Variants in ZNF215 observed in about 807,000 individuals in gnomAD.
ZNF215 encodes the protein zinc finger protein 215.
In ZNF215, 24 loss-of-function variants were observed where a neutral mutation model predicts 27.2. That is an observed-to-expected ratio of 0.88 (90% CI 0.64 to 1.24). The LOEUF is 1.24. Among genes scored for constraint, ZNF215 ranks in the 50% most tolerant of loss-of-function variants. ZNF215 has a pLI of 0.00. For synonymous variants in ZNF215, 210 were observed against 204.0 expected (o/e 1.03, Z -0.25); for missense variants, 675 against 605.7 (o/e 1.11, Z -1.20).
rs1409546162 is a variant in ZNF215 at position 6,957,596 on chromosome 11, T to G, written c.*1065T>G. The stretch of plus-strand genomic sequence containing the variant: ...GAAGCGTTTGGGGTCTTTAGAAGTT[T>G]GATGATGTTGTGACCAGACATTTGC... On this transcript the variant is annotated 3_prime_UTR_variant, in exon 7 of 7. Transcript: ENST00000278319. The G allele has an allele frequency of 4.1e-6, 1 of 246,564 alleles. No homozygotes were observed. Among genetic ancestry groups the G allele is most frequent in the African/African-American group, 2.3e-5 (1 of 43,144 alleles). The allele number at this position is 246,564 out of a possible 1,614,324, so 15.3% of individuals were successfully genotyped here.
chr11:6,958,028 T>C lies in ZNF215; in HGVS notation c.*1497T>C. ...GGTATACTGGAGTGAACTCCTATGATTAAATAATGTCAAAATCTATGTTTG... is the reference window on the plus strand; with the variant it reads ...GGTATACTGGAGTGAACTCCTATGACTAAATAATGTCAAAATCTATGTTTG... On this transcript the variant is annotated 3_prime_UTR_variant, in exon 7 of 7. Coordinates refer to ENST00000278319, the MANE Select transcript of ZNF215 (RefSeq NM_013250.4). 1.0e-6 allele frequency: 1 copy of C among 985,430 alleles called. No homozygotes were observed. Among genetic ancestry groups the C allele is most frequent in the Non-Finnish European group, 1.2e-6 (1 of 829,926 alleles). The allele number at this position is 985,430 out of a possible 1,614,324, so 61.0% of individuals were successfully genotyped here.
chr11:6,975,784 T>G (rs1328184784), intron 5 of ZNF215, among the ~76,000 whole-genome samples: 1 of 152,158 alleles, frequency 6.6e-6, no homozygotes, highest in Admixed American at 6.6e-5. Context: ...AAATCTTAGC[T>G]GTTGTGAACA....
intron 3 of ZNF215, among the ~76,000 whole-genome samples, chr11:6,940,703 G>T (rs1849606313): frequency 6.6e-6 from 1 of 152,100 alleles, no homozygotes; most frequent in Admixed American, 6.5e-5. Flanking sequence ...TGATGTAACT[G>T]CATGGTTTTA....
chr11:6,940,274 A>T (rs1330208736), intron 3 of ZNF215, among the ~76,000 whole-genome samples: 4 of 151,536 alleles, frequency 2.6e-5, no homozygotes, highest in African/African-American at 9.7e-5. Flanking sequence ...TATTTGCAGC[A>T]TTCACACGGT....
intron 6 of ZNF215, among the ~76,000 whole-genome samples, chr11:6,951,187 A>C (rs1437988036): frequency 6.6e-6 from 1 of 152,094 alleles, no homozygotes; most frequent in Non-Finnish European, 1.5e-5. Context: ...TATTGGTCTA[A>C]AATTCTCTTT....
chr11:6,962,849 T>C (rs991246328), downstream of ZNF215, among the ~76,000 whole-genome samples: 4 of 152,110 alleles, frequency 2.6e-5, no homozygotes, highest in Non-Finnish European at 5.9e-5. Flanking sequence ...GGGCCTAATC[T>C]TACCAATGAC....
intron 4 of ZNF215, among the ~76,000 whole-genome samples, chr11:6,942,427 C>T (rs780322569): frequency 2.6e-4 from 39 of 152,096 alleles, no homozygotes; most frequent in Admixed American, 2.3e-3. Context: ...GATTGATAAA[C>T]GAAATCCCAG....
chr11:6,978,283 CTGAT>C (rs752876168), intron 5 of ZNF215, among the ~76,000 whole-genome samples: 9 of 152,016 alleles, frequency 5.9e-5, no homozygotes, highest in Non-Finnish European at 1.2e-4. Context: ...GAAAAATACA[CTGAT>C]TGAATGAAGC....
chr11:6,967,738 G>C (rs1251206410), intron 5 of ZNF215, among the ~76,000 whole-genome samples: 1 of 152,134 alleles, frequency 6.6e-6, no homozygotes, highest in Non-Finnish European at 1.5e-5. Context: ...TCTGTAGGTT[G>C]CCTGTTCACT....
intron 3 of ZNF215, among the ~76,000 whole-genome samples, chr11:6,935,515 T>C (rs1279858214): frequency 6.6e-6 from 1 of 152,196 alleles, no homozygotes; most frequent in African/African-American, 2.4e-5. Context: ...TTTACAAAAT[T>C]AGTTCAAAAG....
At position 6,932,366 on chromosome 11, in the gene ZNF215, C is replaced by A. The variant is rs200790090; in HGVS notation, c.94C>A (p.Gln32Lys). 211 of 1,614,146 alleles carry A rather than the reference C, an allele frequency of 1.3e-4. No individual in the cohort carries two copies. The highest frequency in any genetic ancestry group is 5.9e-6 in the Non-Finnish European group (7 of 1,180,034). Residue 32 changes from glutamine to lysine, a missense_variant, in exon 3 of 7, where the codon CAG becomes AAG. Coordinates refer to ENST00000278319, the MANE Select transcript of ZNF215 (RefSeq NM_013250.4). ...GGTTCTGAGAGCAGATATGTCTTGG[C>A]AGCAGGAAACCAACCCCGTCGTGGA... ...REVLRADMSW[Q>K]QETNPVVETH...
At chr11:6,988,822 C>G (rs1301728186), downstream of ZNF215, 1 of 152,010 alleles carries the variant, frequency 6.6e-6, no homozygotes, top group Non-Finnish European at 1.5e-5. Flanking sequence ...AAATATAATA[C>G]CTTGATAATT....
intron 5 of ZNF215, among the ~76,000 whole-genome samples, chr11:6,980,764 C>T (rs1369379826): frequency 1.7e-5 from 2 of 115,702 alleles, no homozygotes; most frequent in Admixed American, 1.0e-4. Flanking sequence ...CCCCCCTCCC[C>T]CCACCCCACA....
In ZNF215 at chr11:6,956,135, A is replaced by G. The variant is rs771080130; in HGVS notation, c.1158A>G (p.Lys386=). ...CCTATGAATGTTATCAATGTGGGAA[A>G]GCCTTCTGCCGAAGTTCATCCCTTA... The part of the protein sequence containing the change: ...MNSYECYQCG[K]AFCRSSSLIR... The change falls in exon 7 of 7, where the codon AAA becomes AAG. Residue 386 remains lysine (K), a synonymous_variant. Transcript: ENST00000278319. 6.2e-7 allele frequency: 1 copy of G among 1,613,842 alleles called. No individual in the cohort carries two copies. Among genetic ancestry groups the G allele is most frequent in the Admixed American group, 1.7e-5 (1 of 59,992 alleles).
rs1018718317 is a variant in ZNF215 at position 6,956,837 on chromosome 11, G to T, written c.*306G>T. On this transcript the variant is annotated 3_prime_UTR_variant, in exon 7 of 7. Coordinates refer to ENST00000278319, the MANE Select transcript of ZNF215 (RefSeq NM_013250.4). ...TCACCTCTCCCTAGTTCATAAATAG[G>T]TCTATAGCATACTAATATCCACCTG... 2.9e-5 allele frequency: 31 copies of T among 1,071,344 alleles called. No individual in the cohort carries two copies. Among genetic ancestry groups the T allele is most frequent in the Middle Eastern group, 4.3e-4 (1 of 2,308 alleles). The allele number at this position is 1,071,344 out of a possible 1,614,324, so 66.4% of individuals were successfully genotyped here.
intron 5 of ZNF215, among the ~76,000 whole-genome samples, chr11:6,976,986 C>T (rs1590086242): frequency 6.6e-6 from 1 of 152,160 alleles, no homozygotes; most frequent in East Asian, 1.9e-4. Context: ...TTCACCTTCT[C>T]TAGCTGGCAT....
At chr11:6,979,383 A>G (rs2133350845) in intron 5 of ZNF215, among the ~76,000 whole-genome samples, 1 of 152,162 alleles carries the variant, frequency 6.6e-6, no homozygotes, top group South Asian at 2.1e-4. Context: ...GTGAAAAACC[A>G]TAGATTTATA....
chr11:6,958,161 GAGA>G, downstream of ZNF215: 2 of 760,386 alleles, frequency 2.6e-6, no homozygotes, highest in South Asian at 1.2e-4. Flanking sequence ...AGCCTAACAA[GAGA>G]AAAGCACTCT....
intron 6 of ZNF215, among the ~76,000 whole-genome samples, chr11:6,952,363 G>C (rs1474030557): frequency 6.6e-6 from 1 of 152,166 alleles, no homozygotes. Context: ...TATTGTGTGG[G>C]AGTCTAAGTC....
Sources: allele counts gnomAD v4.1 joint callset (sites outside exome capture counted in the v4.1 genomes callset), GRCh38; gene constraint gnomAD v4.1.1; transcripts MANE v1.5; gene names NCBI Gene and HGNC (gene_info 2026-07-23, HGNC 2026-07-21).